The following CBX6 variants were observed in gnomAD, a reference collection of about 807,000 sequenced individuals.
CBX6 encodes the protein chromobox 6.
CBX6 carries 7 observed loss-of-function variants against 28.4 expected under a neutral mutation model. That is an observed-to-expected ratio of 0.25 (90% CI 0.14 to 0.46). CBX6 has a LOEUF of 0.46. CBX6 is among the 20% of genes least tolerant of loss of function. The pLI, the probability that CBX6 is intolerant of heterozygous loss-of-function variation, is 0.99. For synonymous variants in CBX6, 297 were observed against 273.4 expected, an observed-to-expected ratio of 1.09 and a Z score of -0.85; for missense variants, 512 against 606.1, an observed-to-expected ratio of 0.84 and a Z score of 1.63.
At position 38,866,096 on chromosome 22, in the gene CBX6, T is replaced by C. The variant is rs113601744; in HGVS notation, c.*113A>G. The C allele has an allele frequency of 1.2e-5, 10 of 861,258 alleles. No individual in the cohort carries two copies. Among genetic ancestry groups the C allele is most frequent in the South Asian group, 1.1e-4 (6 of 57,044 alleles). The allele number at this position is 861,258 out of a possible 1,614,324, so 53.4% of individuals were successfully genotyped here. The stretch of plus-strand genomic sequence containing the variant: ...CATCCCTGGGTCAACACCGAGCCAT[T>C]TGAGACAAGCAAAGCACAGGGAGAG... On this transcript the variant is annotated 3_prime_UTR_variant, in exon 5 of 5. Transcript: ENST00000407418. This position sits in a 1 kb window ranked among gnomAD's most constrained non-coding sequence, Gnocchi z 7.5.
intron 4 of CBX6, 72 bp from the exon 5 acceptor site, chr22:38,867,273 G>A: frequency 7.2e-7 from 1 of 1,396,232 alleles, no homozygotes; most frequent in Non-Finnish European, 9.6e-7. Flanking sequence ...CCCTACGCCA[G>A]CCAGCCCTAA....
At position 38,866,904 on chromosome 22, in the gene CBX6, C is replaced by G. The variant is rs2093171832; in HGVS notation, c.544G>C (p.Asp182His). The change falls in exon 5 of 5, where the codon GAC (aspartate) becomes CAC (histidine). Residue 182 changes from aspartate to histidine, a missense_variant. Asp to His is a moderately conservative substitution (Grantham distance 81). Around this residue, in one of 7 missense-constraint regions of CBX6, gnomAD observed 9 missense variants for 26.6 expected, o/e 0.34. Coordinates refer to ENST00000407418, the MANE Select transcript of CBX6 (RefSeq NM_014292.5). This position sits in a 1 kb window ranked among gnomAD's most constrained non-coding sequence, Gnocchi z 7.5. ...NRIILNLKVI[D>H]KGAGGGGAGQ... ...GCGCCCCCGCCGCCAGCGCCCTTGT[C>G]GATCACCTTCAGGTTCAGGATGATG... 1 of 1,598,324 alleles carries G rather than the reference C, an allele frequency of 6.3e-7. No homozygotes were observed.
chr22:38,869,500 A>G (rs1443594947), intron 4 of CBX6: 1 of 152,170 alleles, frequency 6.6e-6, no homozygotes, highest in Non-Finnish European at 1.5e-5. Context: ...ATAAGCAGTG[A>G]TCTTTTTCCA....
At position 38,865,926 on chromosome 22, in the gene CBX6, G is replaced by A; in HGVS notation, c.*283C>T. 1 of 469,658 alleles carries A rather than the reference G, an allele frequency of 2.1e-6. No homozygotes were observed. The highest frequency in any genetic ancestry group is 3.8e-6 in the Non-Finnish European group (1 of 264,470). 29.1% of individuals were successfully genotyped at this position (469,658 alleles called of 1,614,324 possible). A position where few individuals can be genotyped will look rare whatever the true frequency, so the allele number is the denominator to read the frequency against. ...AAGCTAGAGAGACAGGTGGGATGTG[G>A]AAGGGGCAGAGGAACCCTAGTTTCT... On this transcript the variant is annotated 3_prime_UTR_variant, in exon 5 of 5. Transcript: ENST00000407418.
rs1475225822 is a variant in CBX6, at chr22:38,866,526, G to A, written c.922C>T (p.Arg308Cys). 11 of 1,580,536 alleles carry A rather than the reference G, an allele frequency of 7.0e-6. No individual in the cohort carries two copies. Among genetic ancestry groups the A allele is most frequent in the Non-Finnish European group, 9.4e-6 (11 of 1,170,264 alleles). ...ETVSPSAPSW[R>C]EPEVLDLSLP... Reference sequence around the variant, plus strand: ...GACAGGTCGAGCACCTCCGGCTCGCGCCAGCTGGGGGCGGATGGGCTCACG... The same window carrying A: ...GACAGGTCGAGCACCTCCGGCTCGCACCAGCTGGGGGCGGATGGGCTCACG... The change falls in exon 5 of 5, where the codon CGC becomes TGC. Residue 308 changes from arginine to cysteine, a missense_variant. By Grantham distance (180) the Arg-to-Cys change is radical (BLOSUM62 -3). Coordinates refer to ENST00000407418, the MANE Select transcript of CBX6 (RefSeq NM_014292.5). The surrounding 1 kb of genome is among the most constrained non-coding windows in gnomAD (Gnocchi z 7.5).
At chr22:38,868,616 A>G (rs2093175815) in intron 4 of CBX6, among the ~76,000 whole-genome samples, 2 of 151,902 alleles carry the variant, frequency 1.3e-5, no homozygotes, top group South Asian at 2.1e-4. Context: ...GGGTGCCACA[A>G]GGGGCGTGGG....
At chr22:38,867,864 T>C (rs1242824264) in intron 4 of CBX6, among the ~76,000 whole-genome samples, 2 of 152,230 alleles carry the variant, frequency 1.3e-5, no homozygotes, top group African/African-American at 2.4e-5. Context: ...CTGGTACCAA[T>C]GCATCCCAAA....
rs758158657 is a variant in CBX6 at position 38,866,601 on chromosome 22, G to C, written c.847C>G (p.Pro283Ala). Reference sequence around the variant, plus strand: ...GTGTCGTCGGGGTCAGAGGACTGTGGTGTAGGCGAGGGGCAGCCGGAGGAG... The same window carrying C: ...GTGTCGTCGGGGTCAGAGGACTGTGCTGTAGGCGAGGGGCAGCCGGAGGAG... ...SGSSGCPSPT[P>A]QSSDPDDTPP... Residue 283 changes from proline (P) to alanine (A), a missense_variant, in exon 5 of 5, where the codon CCA (proline) becomes GCA (alanine). Coordinates refer to ENST00000407418, the MANE Select transcript of CBX6 (RefSeq NM_014292.5). The surrounding 1 kb of genome is among the most constrained non-coding windows in gnomAD (Gnocchi z 7.5). The C allele has an allele frequency of 6.4e-7, 1 of 1,560,304 alleles. No homozygotes were observed. Among genetic ancestry groups the C allele is most frequent in the Admixed American group, 1.8e-5 (1 of 55,160 alleles).
intron 4 of CBX6, chr22:38,869,464 C>G (rs1266240696): frequency 6.6e-6 from 1 of 151,898 alleles, no homozygotes; most frequent in Non-Finnish European, 1.5e-5. Context: ...AATAACTGAA[C>G]AGACCTACCC....
rs2146210503 is a variant in CBX6 at position 38,863,445 on chromosome 22, G to C, written c.*2764C>G. 6.6e-6 allele frequency: 1 copy of C among 152,270 alleles called. No homozygotes were observed. Among genetic ancestry groups the C allele is most frequent in the Admixed American group, 6.5e-5 (1 of 15,302 alleles). 9.4% of individuals were successfully genotyped at this position (152,270 alleles called of 1,614,324 possible). On this transcript the variant is annotated 3_prime_UTR_variant, in exon 5 of 5. Transcript: ENST00000407418. ...ATTAGGCAAATGGAAAGCAGCAAGG[G>C]TGGACGAGGGGCCCATGGAGGCTGA...
chr22:38,865,940 A>C lies in CBX6; in HGVS notation c.*269T>G. The C allele has an allele frequency of 2.0e-6, 1 of 506,636 alleles. No individual in the cohort carries two copies. The highest frequency in any genetic ancestry group is 3.5e-6 in the Non-Finnish European group (1 of 285,662). 31.4% of individuals were successfully genotyped at this position (506,636 alleles called of 1,614,324 possible). A position where few individuals can be genotyped will look rare whatever the true frequency, so the allele number is the denominator to read the frequency against. Reference sequence around the variant, plus strand: ...GGTGGGATGTGGAAGGGGCAGAGGAACCCTAGTTTCTAGGGCTTTCCAGAA... The same window carrying C: ...GGTGGGATGTGGAAGGGGCAGAGGACCCCTAGTTTCTAGGGCTTTCCAGAA... On this transcript the variant is annotated 3_prime_UTR_variant, in exon 5 of 5. Transcript: ENST00000407418.
chr22:38,867,228 G>GGGTGGGGGGGGGGGGGGGGCC, intron 4 of CBX6, 27 bp from the exon 5 acceptor site: 1 of 518,866 alleles, frequency 1.9e-6, no homozygotes, highest in Non-Finnish European at 3.6e-6. Context: ...GGGTGGGTGG[G>GGGTGGGGGGGGGGGGGGGGCC]ACCTCAGGAC....
At chr22:38,869,095 T>C (rs898865714) in intron 4 of CBX6, among the ~76,000 whole-genome samples, 2 of 152,152 alleles carry the variant, frequency 1.3e-5, no homozygotes, top group Non-Finnish European at 2.9e-5. Flanking sequence ...CTCCCAGGGA[T>C]TGGGCCCCTC....
Position 38,862,553 on chromosome 22 carries a change from A to G in CBX6, c.*3656T>C, listed in dbSNP as rs2093159945. The G allele has an allele frequency of 1.3e-5, 2 of 149,370 alleles. No individual in the cohort carries two copies. The highest frequency in any genetic ancestry group is 4.9e-5 in the African/African-American group (2 of 40,652). The allele number at this position is 149,370 out of a possible 1,614,324, so 9.3% of individuals were successfully genotyped here. ...AAAAAAAAAAAAAAAAAAGAAAGAA[A>G]GAAAAAAGAAAAACAAAAGAAAAAA... On this transcript the variant is annotated 3_prime_UTR_variant, in exon 5 of 5. Coordinates refer to ENST00000407418, the MANE Select transcript of CBX6 (RefSeq NM_014292.5).
At position 38,871,566 on chromosome 22, in the gene CBX6, G is replaced by C; in HGVS notation, c.180-20C>G. On this transcript the variant is annotated intron_variant, in intron 3 of 4. Transcript: ENST00000407418. The surrounding 1 kb of genome is among the most constrained non-coding windows in gnomAD (Gnocchi z 5.6). Reference sequence around the variant, plus strand: ...CTCTCCCTGCGGCCGAAAAACACCAGAGGTTAAAAAGAGCCCCTTCCCGGG... The same window carrying C: ...CTCTCCCTGCGGCCGAAAAACACCACAGGTTAAAAAGAGCCCCTTCCCGGG... The C allele has an allele frequency of 2.5e-6, 4 of 1,613,738 alleles. 1 individual carries two copies.
intron 4 of CBX6, among the ~76,000 whole-genome samples, chr22:38,868,513 A>G (rs1202481595): frequency 2.6e-5 from 4 of 152,224 alleles, no homozygotes; most frequent in Admixed American, 6.5e-5. Flanking sequence ...AGAGGCAGAG[A>G]GTCCTCTGGG....
In CBX6 at chr22:38,872,203, C is replaced by A. The variant is rs760632368; in HGVS notation, c.-13G>T. 7.2e-7 allele frequency: 1 copy of A among 1,385,312 alleles called. No homozygotes were observed. Among genetic ancestry groups the A allele is most frequent in the South Asian group, 1.3e-5 (1 of 76,846 alleles). The allele number at this position is 1,385,312 out of a possible 1,614,324, so 85.8% of individuals were successfully genotyped here. A position where few individuals can be genotyped will look rare whatever the true frequency, so the allele number is the denominator to read the frequency against. ...CAGACAGCTCCATCTTGCTCAGCGG[C>A]ACCCACAGCCCATAATACTCCCTGC... On this transcript the variant is annotated 5_prime_UTR_variant, in exon 1 of 5. Transcript: ENST00000407418. The surrounding 1 kb of genome is among the most constrained non-coding windows in gnomAD (Gnocchi z 5.0).
At position 38,867,049 on chromosome 22, in the gene CBX6, G is replaced by T; in HGVS notation, c.399C>A (p.Pro133=). 6.2e-7 allele frequency: 1 copy of T among 1,605,444 alleles called. No individual in the cohort carries two copies. The highest frequency in any genetic ancestry group is 1.3e-5 in the African/African-American group (1 of 74,932). ...IRRCHRMSRR[P]LPRPDPQGGS... The stretch of plus-strand genomic sequence containing the variant: ...CCCCCTGCGGGTCCGGGCGGGGCAG[G>T]GGACGGCGGGACATACGGTGGCAGC... Residue 133 remains proline, a synonymous_variant, in exon 5 of 5, where the codon CCC becomes CCA. Transcript: ENST00000407418.
chr22:38,867,228 G>GGGC, intron 4 of CBX6, 27 bp from the exon 5 acceptor site: 9 of 518,860 alleles, frequency 1.7e-5, no homozygotes, highest in Non-Finnish European at 2.9e-5. Flanking sequence ...GGGTGGGTGG[G>GGGC]ACCTCAGGAC....
Sources: allele counts gnomAD v4.1 joint callset (sites outside exome capture counted in the v4.1 genomes callset), GRCh38; gene constraint gnomAD v4.1.1; regional missense constraint gnomAD v4.1.1; non-coding constraint Gnocchi (gnomAD v3.1); transcripts MANE v1.5; gene names NCBI Gene and HGNC (gene_info 2026-07-23, HGNC 2026-07-21).